MTHFD1L: variants seen among roughly 807,000 people sequenced by gnomAD.
MTHFD1L encodes the protein methylenetetrahydrofolate dehydrogenase (NADP+ dependent) 1 like, also known as monofunctional C1-tetrahydrofolate synthase, mitochondrial.
In MTHFD1L, 81 loss-of-function variants were observed where a neutral mutation model predicts 119.5. That is an observed-to-expected ratio of 0.68 (90% CI 0.57 to 0.82). The LOEUF (loss-of-function observed/expected upper bound fraction) is 0.82, where lower values mean the gene tolerates loss of function less well. MTHFD1L is among the 40% of genes least tolerant of loss of function. The pLI is 0.00. For missense variants in MTHFD1L, 1,125 were observed against 1,253.4 expected (o/e 0.90, Z 1.55); for synonymous variants, 430 against 475.2 (o/e 0.90, Z 1.24).
At chr6:150,928,367 C>T (rs1414606647) in intron 11 of MTHFD1L, among the ~76,000 whole-genome samples, 2 of 134,458 alleles carry the variant, frequency 1.5e-5, no homozygotes, top group African/African-American at 2.8e-5. Flanking sequence ...ACCTGGGAGG[C>T]GGAGCTTGCG....
intron 20 of MTHFD1L, among the ~76,000 whole-genome samples, chr6:150,977,027 A>G (rs1046181373): frequency 2.0e-5 from 3 of 152,240 alleles, no homozygotes; most frequent in Admixed American, 6.5e-5. Context: ...AGCTTCTGCT[A>G]TATGTCAAGT....
intron 26 of MTHFD1L, among the ~76,000 whole-genome samples, chr6:151,089,970 G>A (rs564946464): frequency 3.3e-5 from 5 of 152,314 alleles, no homozygotes; most frequent in Admixed American, 1.3e-4. Context: ...CCTGGAACCC[G>A]GAATGGATTT....
chr6:151,046,034 G>C (rs1206234739), intron 26 of MTHFD1L, among the ~76,000 whole-genome samples: 1 of 152,198 alleles, frequency 6.6e-6, no homozygotes, highest in African/African-American at 2.4e-5. Flanking sequence ...TCATGAGAAT[G>C]ATGTTTTCCT....
In MTHFD1L at chr6:151,013,802, G is replaced by T; in HGVS notation, c.2289G>T (p.Lys763Asn). The T allele has an allele frequency of 6.2e-7, 1 of 1,612,504 alleles. No homozygotes were observed. The change falls in exon 22 of 28, where the codon AAG becomes AAT. Residue 763 changes from lysine (K) to asparagine (N), a missense_variant. Lys to Asn is a moderately conservative substitution (Grantham distance 94). Around this residue, in one of 3 missense-constraint regions of MTHFD1L, gnomAD observed 1,058 missense variants for 1,151.2 expected, o/e 0.92. Coordinates refer to ENST00000367321, the MANE Select transcript of MTHFD1L (RefSeq NM_015440.5). ...GPSVTAGVPL[K>N]KEYTEENIQL... is the part of the protein sequence containing the mutation. ...AGGTAACGGCTGGTGTTCCTCTTAA[G>T]AAAGAATATACAGAGGAGGTAAGAG... is the stretch of plus-strand genomic sequence containing the variant.
intron 26 of MTHFD1L, among the ~76,000 whole-genome samples, chr6:151,060,468 T>C (rs1167960878): frequency 6.6e-6 from 1 of 152,072 alleles, no homozygotes; most frequent in Non-Finnish European, 1.5e-5. Flanking sequence ...ACAAGTTAAA[T>C]ATAGAGACAG....
intron 20 of MTHFD1L, among the ~76,000 whole-genome samples, chr6:150,998,282 T>C (rs1269152362): frequency 6.6e-6 from 1 of 152,152 alleles, no homozygotes; most frequent in African/African-American, 2.4e-5. Context: ...TACGATCTTA[T>C]AATTGTAAAG....
chr6:151,015,839 C>T (rs1782971826), intron 24 of MTHFD1L, 146 bp downstream of exon 24: 1 of 1,015,788 alleles, frequency 9.8e-7, no homozygotes, highest in Non-Finnish European at 1.4e-6. Context: ...GTAATCCCAA[C>T]ACTTTGGGAG....
At chr6:151,081,905 C>G (rs530639932) in intron 26 of MTHFD1L, among the ~76,000 whole-genome samples, 36 of 152,154 alleles carry the variant, frequency 2.4e-4, no homozygotes, top group African/African-American at 7.5e-4. Flanking sequence ...TCCATCCTCC[C>G]CACCCCTTCC....
chr6:151,051,488 C>A (rs377700106), intron 26 of MTHFD1L, among the ~76,000 whole-genome samples: 1 of 152,162 alleles, frequency 6.6e-6, no homozygotes, highest in Admixed American at 6.6e-5. Flanking sequence ...AGAGTTCTAG[C>A]GCTCTGTGGC....
At chr6:151,092,765 T>C (rs558774714) in intron 27 of MTHFD1L, among the ~76,000 whole-genome samples, 178 bp downstream of exon 27, 4 of 152,118 alleles carry the variant, frequency 2.6e-5, no homozygotes, top group African/African-American at 9.7e-5. Context: ...GGTGTGGCTG[T>C]GAGTTACATG....
intron 20 of MTHFD1L, among the ~76,000 whole-genome samples, chr6:150,999,079 G>T (rs1262746765): frequency 1.3e-5 from 2 of 151,488 alleles, no homozygotes; most frequent in Non-Finnish European, 2.9e-5. Flanking sequence ...TTAGACAGGG[G>T]TCCCAACCCC....
At chr6:150,995,366 T>C (rs1408875071) in intron 20 of MTHFD1L, among the ~76,000 whole-genome samples, 1 of 151,834 alleles carries the variant, frequency 6.6e-6, no homozygotes, top group Non-Finnish European at 1.5e-5. Context: ...AATACAAAAT[T>C]AGCCAGGCGT....
At chr6:150,945,650 T>C in intron 15 of MTHFD1L, 109 bp downstream of exon 15, 2 of 1,015,202 alleles carry the variant, frequency 2.0e-6, no homozygotes, top group Non-Finnish European at 3.0e-6. Context: ...TTTTCAGATA[T>C]CCTTTTGGGT....
At chr6:150,975,081 G>A (rs182765439) in intron 20 of MTHFD1L, among the ~76,000 whole-genome samples, 1 of 152,112 alleles carries the variant, frequency 6.6e-6, no homozygotes, top group African/African-American at 2.4e-5. Flanking sequence ...TCCATCGTAT[G>A]GATAGACCAT....
intron 26 of MTHFD1L, among the ~76,000 whole-genome samples, chr6:151,059,458 C>T (rs1237077549): frequency 2.0e-5 from 3 of 149,896 alleles, no homozygotes; most frequent in South Asian, 2.1e-4. Flanking sequence ...ATTACAGATA[C>T]GAGCCACCGC....
rs762972668 is a variant in MTHFD1L, at chr6:150,877,620, T to C, written c.313-14T>C. The C allele has an allele frequency of 1.9e-6, 3 of 1,613,806 alleles. No individual in the cohort carries two copies. The South Asian group carries it at 3.3e-5, about 18-fold the overall frequency. ...GCTATTTTTATGTTGTTATGTTGTT[T>C]TTACCTTCCTAAGGCAGGTGACGAC... is the stretch of plus-strand genomic sequence containing the variant. On this transcript the variant is annotated splice_polypyrimidine_tract_variant and intron_variant, in intron 2 of 27. Coordinates refer to ENST00000367321, the MANE Select transcript of MTHFD1L (RefSeq NM_015440.5).
intron 20 of MTHFD1L, among the ~76,000 whole-genome samples, chr6:150,978,145 G>A (rs1285558839): frequency 4.6e-5 from 7 of 151,818 alleles, no homozygotes; most frequent in African/African-American, 9.7e-5. Context: ...TGTTCCACCC[G>A]CCTCGGCCTC....
chr6:150,921,530 G>A (rs1206099767), intron 9 of MTHFD1L, among the ~76,000 whole-genome samples: 1 of 152,170 alleles, frequency 6.6e-6, no homozygotes, highest in Non-Finnish European at 1.5e-5. Flanking sequence ...GGGATTACAG[G>A]CATGAGCCAC....
rs1385801308 is a variant in MTHFD1L, at chr6:151,039,071, G to A, written c.2847+1954G>A. Among the ~76,000 whole-genome samples the A allele has an allele frequency of 1.3e-5, 2 of 152,190 alleles. No individual in the cohort carries two copies. The highest frequency in any genetic ancestry group is 2.4e-5 in the African/African-American group (1 of 41,446). ...GCAGTCGTTAAACAAGAGACACAGG[G>A]ATAGCTGGAAATCAGTGAGAAGACA... is the stretch of plus-strand genomic sequence containing the variant. On this transcript the variant is annotated intron_variant, in intron 26 of 27. Transcript: ENST00000367321. The surrounding 1 kb of genome is among the most constrained non-coding windows in gnomAD (Gnocchi z 4.4).
Sources: gnomAD v4.1 joint callset for allele counts (sites outside exome capture counted in the v4.1 genomes callset) on GRCh38, gnomAD v4.1.1 for gene constraint, gnomAD v4.1.1 regional missense constraint, Gnocchi (gnomAD v3.1) non-coding constraint, MANE v1.5 for transcripts, NCBI Gene and HGNC (gene_info 2026-07-23, HGNC 2026-07-21) for gene names.